CHRNB3: variants seen among roughly 807,000 people sequenced by gnomAD.
The protein encoded by CHRNB3 is neuronal acetylcholine receptor subunit beta-3.
CHRNB3 carries 37 observed loss-of-function variants against 40.6 expected under a neutral mutation model. That is an observed-to-expected ratio of 0.91 (90% CI 0.70 to 1.20). CHRNB3 has a LOEUF of 1.20. Ranked by LOEUF, CHRNB3 falls within the 50% of genes most tolerant of loss-of-function variation. The probability of loss-of-function intolerance (pLI) is 0.00; values close to 1 mark genes in which losing one functional copy is unlikely to be tolerated. For missense variants in CHRNB3, 505 were observed against 551.2 expected (o/e 0.92, Z 0.84); for synonymous variants, 207 against 207.1 (o/e 1.00, Z 0.00).
chr8:42,699,140 G>A (rs538514273), intron 1 of CHRNB3, among the ~76,000 whole-genome samples: 1 of 152,208 alleles, frequency 6.6e-6, no homozygotes, highest in Non-Finnish European at 1.5e-5. Flanking sequence ...AAACAAAATA[G>A]TTTCTTTTTG....
chr8:42,708,555 G>A (rs768720946), intron 1 of CHRNB3, among the ~76,000 whole-genome samples, 162 bp from the exon 2 acceptor site: 5 of 152,142 alleles, frequency 3.3e-5, no homozygotes, highest in African/African-American at 4.8e-5. Context: ...GGGAGTGGAC[G>A]TGGAGACTCT....
chr8:42,707,087 G>A (rs1328560883), intron 1 of CHRNB3, among the ~76,000 whole-genome samples: 2 of 152,190 alleles, frequency 1.3e-5, no homozygotes, highest in East Asian at 3.9e-4. Context: ...AAGCACAAAT[G>A]TAAGGTTGCG....
At chr8:42,700,354 C>T (rs532214792) in intron 1 of CHRNB3, among the ~76,000 whole-genome samples, 2 of 151,310 alleles carry the variant, frequency 1.3e-5, no homozygotes, top group South Asian at 4.2e-4. Flanking sequence ...GACGGAATCT[C>T]GCTCTGTCAC....
chr8:42,724,680 T>C (rs1816274991), intron 3 of CHRNB3, among the ~76,000 whole-genome samples: 1 of 151,878 alleles, frequency 6.6e-6, no homozygotes, highest in Admixed American at 6.6e-5. Context: ...GCAGCCAATG[T>C]AGAAAACGCT....
chr8:42,729,326 C>T (rs538785824), intron 3 of CHRNB3, among the ~76,000 whole-genome samples: 4 of 152,104 alleles, frequency 2.6e-5, no homozygotes, highest in African/African-American at 4.8e-5. Context: ...AGGAGAATGG[C>T]GTGAACCTGG....
chr8:42,728,936 T>C (rs753770586), intron 3 of CHRNB3, among the ~76,000 whole-genome samples: 3 of 152,000 alleles, frequency 2.0e-5, no homozygotes, highest in African/African-American at 7.3e-5. Context: ...CTACCAATGA[T>C]AGTAAGAGTC....
intron 1 of CHRNB3, among the ~76,000 whole-genome samples, chr8:42,699,240 C>A (rs1217979459): frequency 6.6e-6 from 1 of 152,144 alleles, no homozygotes; most frequent in Non-Finnish European, 1.5e-5. Context: ...TGGGTGTGGC[C>A]ATGGGTTGTC....
chr8:42,728,997 C>T (rs749873032), intron 3 of CHRNB3, among the ~76,000 whole-genome samples: 4 of 151,778 alleles, frequency 2.6e-5, no homozygotes, highest in Admixed American at 6.6e-5. Context: ...ATTTGTTCTT[C>T]GAAATTGGAA....
At chr8:42,721,722 C>CAAACAAAACAAAACA (rs71231864) in intron 3 of CHRNB3, 8 of 148,822 alleles carry the variant, frequency 5.4e-5, no homozygotes, top group South Asian at 2.2e-4. Context: ...GACTCTGTCT[C>CAAACAAAACAAAACA]AAACAAAACA....
Position 42,725,903 on chromosome 8 carries a change from G to C in CHRNB3, c.250-4691G>C, listed in dbSNP as rs567325212. ...CCACTAAAAATTTTCTTTGGGCAAA[G>C]TCTCGCAATGGTTCTCTGCACCAGT... On this transcript the variant is annotated intron_variant, in intron 3 of 5. Coordinates refer to ENST00000289957, the MANE Select transcript of CHRNB3 (RefSeq NM_000749.5). 7.0e-6 allele frequency: 6 copies of C among 852,106 alleles called. No homozygotes were observed. In the African/African-American group the frequency reaches 9.9e-5, roughly 14 times the overall value. 52.8% of individuals were successfully genotyped at this position (852,106 alleles called of 1,614,324 possible). A position where few individuals can be genotyped will look rare whatever the true frequency, so the allele number is the denominator to read the frequency against.
At chr8:42,725,043 T>C (rs1201919914) in intron 3 of CHRNB3, among the ~76,000 whole-genome samples, 1 of 151,678 alleles carries the variant, frequency 6.6e-6, no homozygotes, top group Non-Finnish European at 1.5e-5. Context: ...TGATGAGAGG[T>C]GCTTGCCATG....
chr8:42,697,524 G>A lies in CHRNB3; in HGVS notation c.-23G>A. 1 of 1,607,798 alleles carries A rather than the reference G, an allele frequency of 6.2e-7. No homozygotes were observed. Among genetic ancestry groups the A allele is most frequent in the Non-Finnish European group, 8.5e-7 (1 of 1,174,518 alleles). Reference sequence around the variant, plus strand: ...CTCTGTTGTTAAAAAGGAAGAAACTGTCTTTCTGAAACTGACATCACGATG... The same window carrying A: ...CTCTGTTGTTAAAAAGGAAGAAACTATCTTTCTGAAACTGACATCACGATG... On this transcript the variant is annotated 5_prime_UTR_variant, in exon 1 of 6. Coordinates refer to ENST00000289957, the MANE Select transcript of CHRNB3 (RefSeq NM_000749.5).
At chr8:42,733,125 A>G (rs187116501) in intron 5 of CHRNB3, among the ~76,000 whole-genome samples, 261 of 151,768 alleles carry the variant, frequency 1.7e-3, no homozygotes, top group African/African-American at 6.0e-3. Context: ...AGTGCAGGAG[A>G]TCGAGACCAG....
At chr8:42,716,944 G>A (rs1816119543) in intron 3 of CHRNB3, among the ~76,000 whole-genome samples, 5 of 152,110 alleles carry the variant, frequency 3.3e-5, no homozygotes, top group Admixed American at 3.3e-4. Flanking sequence ...AAAACTGCTG[G>A]AATATCTGCC....
chr8:42,708,474 T>TAC lies in CHRNB3; in HGVS notation c.53-221_53-220dup, dbSNP rs4955. On this transcript the variant is annotated intron_variant, in intron 1 of 5. Coordinates refer to ENST00000289957, the MANE Select transcript of CHRNB3 (RefSeq NM_000749.5). ...GAGTGAGACTCTGTCTCAAAAAAAA[T>TAC]ACACACACACACACACACACACAAA... Among the ~76,000 whole-genome samples, 820 of 148,924 alleles carry TAC rather than the reference T, an allele frequency of 5.5e-3. 4 individuals carry two copies. Among genetic ancestry groups the TAC allele is most frequent in the African/African-American group, 0.019 (756 of 40,478 alleles).
chr8:42,712,383 A>C (rs1320944977), intron 3 of CHRNB3, among the ~76,000 whole-genome samples: 1 of 152,210 alleles, frequency 6.6e-6, no homozygotes, highest in Non-Finnish European at 1.5e-5. Flanking sequence ...TATAAGGAGC[A>C]ATGGATACAA....
At chr8:42,720,111 CTTTTTTTTTTTTTTTTT>C (rs869178430) in intron 3 of CHRNB3, among the ~76,000 whole-genome samples, 10 of 48,746 alleles carry the variant, frequency 2.1e-4, no homozygotes, top group Admixed American at 7.2e-4. Context: ...CAGAAGCCTT[CTTTTTTTTTTTTTTTTT>C]TTTTTTTTTT....
intron 3 of CHRNB3, among the ~76,000 whole-genome samples, chr8:42,720,297 G>T (rs1192187434): frequency 6.6e-6 from 1 of 151,588 alleles, no homozygotes; most frequent in East Asian, 1.9e-4. Context: ...TGTATTTTTA[G>T]TAGAGACGGG....
chr8:42,714,836 G>A (rs995602609), intron 3 of CHRNB3: 4 of 152,234 alleles, frequency 2.6e-5, no homozygotes, highest in Non-Finnish European at 4.4e-5. Context: ...CACTGTTAGG[G>A]AAGTCGACTT....
Sources: gnomAD v4.1 joint callset for allele counts (sites outside exome capture counted in the v4.1 genomes callset) on GRCh38, gnomAD v4.1.1 for gene constraint, MANE v1.5 for transcripts, NCBI Gene and HGNC (gene_info 2026-07-23, HGNC 2026-07-21) for gene names.